Variants in CDC42BPG observed in about 807,000 individuals in gnomAD.
CDC42BPG encodes the protein CDC42 binding protein kinase gamma.
Under a neutral mutation model 192.2 loss-of-function variants are expected in CDC42BPG, and 157 were observed. The ratio of observed to expected loss-of-function variants is 0.82; its 90% CI spans 0.72 to 0.93. The LOEUF (loss-of-function observed/expected upper bound fraction) is 0.93. CDC42BPG is among the 40% of genes least tolerant of loss of function. The pLI is 0.00. For missense variants in CDC42BPG, 1,992 were observed against 2,122.1 expected (o/e 0.94, Z 1.20); for synonymous variants, 981 against 918.5 (o/e 1.07, Z -1.23).
At position 64,836,516 on chromosome 11, in the gene CDC42BPG, T is replaced by C. The variant is rs1240732542; in HGVS notation, c.1399A>G (p.Lys467Glu). 1 of 1,613,182 alleles carries C rather than the reference T, an allele frequency of 6.2e-7. No homozygotes were observed. Among genetic ancestry groups the C allele is most frequent in the Middle Eastern group, 1.6e-4 (1 of 6,062 alleles). The change falls in exon 12 of 37, where the codon AAG becomes GAG. Residue 467 changes from lysine (K) to glutamate (E), a missense_variant. Transcript: ENST00000342711. ...CCATCCGTCTGGGACAATGAGGCCT[T>C]GTCCCTCAGCATCTCTGCCAGGAAG... ...RDRLPEMLRDKASLSQTDGPP... is the reference protein window; with the variant it reads ...RDRLPEMLRDEASLSQTDGPP...
In CDC42BPG at chr11:64,839,489, T is replaced by C; in HGVS notation, c.664A>G (p.Thr222Ala). ...GGCGGGGTCCTTACCATGCCGTTGG[T>C]GTTGAGACGCAGGCAGGAGCCGAAG... ...ADFGSCLRLNTNGMVDSSVAV... is the reference protein window; with the variant it reads ...ADFGSCLRLNANGMVDSSVAV... The change falls in exon 6 of 37, where the codon ACC (threonine) becomes GCC (alanine). Residue 222 changes from threonine to alanine, a missense_variant. By Grantham distance (58) the Thr-to-Ala change is moderately conservative. Around this residue, in one of 2 missense-constraint regions of CDC42BPG, gnomAD observed 1,656 missense variants for 1,844.3 expected, o/e 0.90. Coordinates refer to ENST00000342711, the MANE Select transcript of CDC42BPG (RefSeq NM_017525.3). 1.2e-6 allele frequency: 2 copies of C among 1,613,174 alleles called. No individual in the cohort carries two copies. Among genetic ancestry groups the C allele is most frequent in the Non-Finnish European group, 1.7e-6 (2 of 1,179,944 alleles).
In CDC42BPG at chr11:64,834,338, C is replaced by T. The variant is rs376552956; in HGVS notation, c.2341G>A (p.Glu781Lys). Residue 781 changes from glutamate to lysine, a missense_variant, in exon 20 of 37, where the codon GAG (glutamate) becomes AAG (lysine). This residue lies in a region of CDC42BPG where 1,656 missense variants were observed against 1,844.3 expected (regional missense o/e 0.90). Transcript: ENST00000342711. Reference sequence around the variant, plus strand: ...TGTTGCAGGGCCTGGCTCTGCTTCTCGGCCTCCTGCAGACGGCTGGGGAGA... The same window carrying T: ...TGTTGCAGGGCCTGGCTCTGCTTCTTGGCCTCCTGCAGACGGCTGGGGAGA... ...LQAERRLQEA[E>K]KQSQALQQEL... 49 of 1,572,500 alleles carry T rather than the reference C, an allele frequency of 3.1e-5. No homozygotes were observed. The highest frequency in any genetic ancestry group is 9.3e-5 in the South Asian group (8 of 86,464).
In CDC42BPG at chr11:64,831,583, G is replaced by A. The variant is rs56252108; in HGVS notation, c.3226C>T (p.Arg1076Trp). The A allele has an allele frequency of 4.3e-5, 70 of 1,612,452 alleles. No homozygotes were observed. In the East Asian group the frequency reaches 9.4e-4, roughly 22 times the overall value. ...GCCTCCTTGAGTGTGTACACGGGCC[G>A]GGGTCTTGGCCGCGCGTCCAGCAGC... is the stretch of plus-strand genomic sequence containing the variant. ...RLLLDARPRP[R>W]PVYTLKEAYD... is the part of the protein sequence containing the mutation. The change falls in exon 28 of 37, where the codon CGG (arginine) becomes TGG (tryptophan). Residue 1076 changes from arginine (R) to tryptophan (W), a missense_variant. Physicochemically the swap from Arg to Trp is moderately radical, Grantham distance 101. Around this residue, in one of 2 missense-constraint regions of CDC42BPG, gnomAD observed 1,656 missense variants for 1,844.3 expected, o/e 0.90. Coordinates refer to ENST00000342711, the MANE Select transcript of CDC42BPG (RefSeq NM_017525.3).
rs1341625186 is a variant in CDC42BPG, at chr11:64,823,234, C to T, written c.*1239G>A. On this transcript the variant is annotated 3_prime_UTR_variant, in exon 37 of 37. Coordinates refer to ENST00000342711, the MANE Select transcript of CDC42BPG (RefSeq NM_017525.3). ...CCCGAGTAGCAGGGACTACAGGCAC[C>T]CGTCACCACGCCCGGCTAATTTTTT... Among the ~76,000 whole-genome samples the T allele has an allele frequency of 1.3e-5, 2 of 151,948 alleles. No individual in the cohort carries two copies. Among genetic ancestry groups the T allele is most frequent in the African/African-American group, 2.4e-5 (1 of 41,378 alleles).
intron 1 of CDC42BPG, among the ~76,000 whole-genome samples, chr11:64,842,882 G>A (rs1264816458): frequency 2.0e-5 from 3 of 152,194 alleles, no homozygotes; most frequent in Non-Finnish European, 2.9e-5. Flanking sequence ...CCAGCTGGGC[G>A]GGTCTGTGGG....
chr11:64,829,714 C>T lies in CDC42BPG; in HGVS notation c.3724G>A (p.Ala1242Thr), dbSNP rs757135370. Residue 1242 changes from alanine to threonine, a missense_variant, in exon 30 of 37, where the codon GCC (alanine) becomes ACC (threonine). Around this residue, in one of 2 missense-constraint regions of CDC42BPG, gnomAD observed 1,656 missense variants for 1,844.3 expected, o/e 0.90. Coordinates refer to ENST00000342711, the MANE Select transcript of CDC42BPG (RefSeq NM_017525.3). ...GLLGDRLCVG[A>T]AGGFALYPLL... ...GGGTAGAGTGCAAAGCCACCGGCGG[C>T]GCCCACACATAGCCGGTCGCCCAGC... is the stretch of plus-strand genomic sequence containing the variant. 6.2e-6 allele frequency: 10 copies of T among 1,610,180 alleles called. No homozygotes were observed. Among genetic ancestry groups the T allele is most frequent in the East Asian group, 4.5e-5 (2 of 44,808 alleles).
At position 64,829,453 on chromosome 11, in the gene CDC42BPG, G is replaced by C; in HGVS notation, c.3967+18C>G. 2 of 1,607,096 alleles carry C rather than the reference G, an allele frequency of 1.2e-6. No individual in the cohort carries two copies. The highest frequency in any genetic ancestry group is 1.7e-6 in the Non-Finnish European group (2 of 1,177,578). Reference sequence around the variant, plus strand: ...TGAAGGTGCCTGGCCCCCCTGCCAAGCCCTCAGCAGGCCTTACCCCAGCCC... The same window carrying C: ...TGAAGGTGCCTGGCCCCCCTGCCAACCCCTCAGCAGGCCTTACCCCAGCCC... On this transcript the variant is annotated intron_variant, in intron 30 of 36. Transcript: ENST00000342711.
rs775668482 is a variant in CDC42BPG, at chr11:64,827,286, C to T, written c.4263G>A (p.Gln1421=). The change falls in exon 33 of 37, where the codon CAG becomes CAA. Residue 1421 remains glutamine (Q), a synonymous_variant. Transcript: ENST00000342711. ...FFRVSEEQQK[Q]QRREMLKDPF... ...GCGTCGTGCACGCGCACCTGCGCTG[C>T]TGCTTCTGCTGCTCCTCCGACACGC... is the stretch of plus-strand genomic sequence containing the variant. The T allele has an allele frequency of 1.2e-6, 2 of 1,613,836 alleles. No homozygotes were observed. Among genetic ancestry groups the T allele is most frequent in the African/African-American group, 2.7e-5 (2 of 75,060 alleles).
intron 1 of CDC42BPG, among the ~76,000 whole-genome samples, chr11:64,843,529 G>A (rs2136432514): frequency 6.6e-6 from 1 of 152,272 alleles, no homozygotes; most frequent in Admixed American, 6.5e-5. Context: ...CCAGAGCTCA[G>A]GAGTGCCAGG....
chr11:64,831,812 G>T, intron 27 of CDC42BPG, 91 bp from the exon 28 acceptor site: 4 of 1,176,290 alleles, frequency 3.4e-6, no homozygotes, highest in East Asian at 2.6e-5. Context: ...TGCCCCGGGG[G>T]CCTAGCGTGC....
chr11:64,841,346 G>A (rs1012836280), intron 3 of CDC42BPG, among the ~76,000 whole-genome samples: 20 of 151,878 alleles, frequency 1.3e-4, no homozygotes, highest in African/African-American at 3.9e-4. Context: ...CCAGCTACTC[G>A]GGAGGCTGAG....
intron 8 of CDC42BPG, 25 bp from the exon 9 acceptor site, chr11:64,838,187 T>A: frequency 4.6e-6 from 7 of 1,535,178 alleles, no homozygotes; most frequent in Non-Finnish European, 6.2e-6. Flanking sequence ...GGAAGGAGAG[T>A]CAGAGTCCAC....
At chr11:64,825,950 CAG>C (rs1942395881) in intron 36 of CDC42BPG, among the ~76,000 whole-genome samples, 2 of 151,552 alleles carry the variant, frequency 1.3e-5, no homozygotes, top group Non-Finnish European at 2.9e-5. Context: ...CCTGTAATAC[CAG>C]CGACTTGGGA....
rs540134135 is a variant in CDC42BPG at position 64,829,610 on chromosome 11, C to G, written c.3828G>C (p.Leu1276=). 26 of 1,611,664 alleles carry G rather than the reference C, an allele frequency of 1.6e-5. No individual in the cohort carries two copies. Among genetic ancestry groups the G allele is most frequent in the Non-Finnish European group, 2.0e-5 (23 of 1,179,418 alleles). The change falls in exon 30 of 37, where the codon CTG becomes CTC. Residue 1276 remains leucine (L), a synonymous_variant. Coordinates refer to ENST00000342711, the MANE Select transcript of CDC42BPG (RefSeq NM_017525.3). ...PEELPPSRGG[L]GEALGAVELS... ...GCTCCACGGCACCCAGTGCCTCACC[C>G]AGGCCCCCGCGGGATGGTGGCAGCT... is the stretch of plus-strand genomic sequence containing the variant.
intron 5 of CDC42BPG, 25 bp from the exon 6 acceptor site, chr11:64,839,596 T>A: frequency 6.3e-7 from 1 of 1,595,474 alleles, no homozygotes; most frequent in Non-Finnish European, 8.5e-7. Context: ...GCAGGGAGAG[T>A]GAGGCGTTTG....
intron 23 of CDC42BPG, 109 bp from the exon 24 acceptor site, chr11:64,833,445 C>T: frequency 2.1e-6 from 2 of 961,400 alleles, no homozygotes; most frequent in South Asian, 1.6e-5. Context: ...CCTCCGAGTC[C>T]CAGCCAATCT....
intron 28 of CDC42BPG, 107 bp from the exon 29 acceptor site, chr11:64,830,363 G>A (rs1942629508): frequency 1.4e-5 from 13 of 955,700 alleles, no homozygotes; most frequent in Non-Finnish European, 2.1e-5. Context: ...GGAAATGGGG[G>A]TGGCAATAAT....
Position 64,832,514 on chromosome 11 carries a change from G to T in CDC42BPG, c.3006-5C>A. 1.2e-6 allele frequency: 2 copies of T among 1,614,068 alleles called. No individual in the cohort carries two copies. The highest frequency in any genetic ancestry group is 1.7e-6 in the Non-Finnish European group (2 of 1,179,966). On this transcript the variant is annotated splice_polypyrimidine_tract_variant and splice_region_variant and intron_variant, in intron 26 of 36. Transcript: ENST00000342711. ...GTAGCCGAGAACTGGGGGTCCCTGG[G>T]AGGTTCACAGAACAGGTCAGAAATC... is the stretch of plus-strand genomic sequence containing the variant.
At chr11:64,836,397 C>CACCTCACCT (rs1356907653) in intron 12 of CDC42BPG, 30 bp downstream of exon 12, 2 of 1,200,192 alleles carry the variant, frequency 1.7e-6, no homozygotes, top group African/African-American at 3.1e-5. Context: ...CCACCTCACC[C>CACCTCACCT]AGCCCTCACC....
Sources: allele counts gnomAD v4.1 joint callset (sites outside exome capture counted in the v4.1 genomes callset), GRCh38; gene constraint gnomAD v4.1.1; regional missense constraint gnomAD v4.1.1; transcripts MANE v1.5; gene names NCBI Gene and HGNC (gene_info 2026-07-23, HGNC 2026-07-21).